Variants in PPARGC1A observed in about 807,000 individuals in gnomAD.
PPARGC1A encodes peroxisome proliferator-activated receptor gamma coactivator 1-alpha.
Under a neutral mutation model 88.7 loss-of-function variants are expected in PPARGC1A, and 25 were observed. The ratio of observed to expected loss-of-function variants is 0.28; its 90% CI spans 0.21 to 0.39. PPARGC1A has a LOEUF of 0.39. Ranked by LOEUF, PPARGC1A falls within the 10% of genes least tolerant of loss-of-function variation. The pLI is 1.00. For synonymous variants in PPARGC1A, 363 were observed against 355.6 expected (o/e 1.02, Z -0.24); for missense variants, 880 against 968.7 (o/e 0.91, Z 1.22).
At chr4:24,406,863 G>A in the PPARGC1A span, among the ~76,000 whole-genome samples, 1 of 152,204 alleles carries the variant, frequency 6.6e-6, no homozygotes, top group African/African-American at 2.4e-5. Flanking sequence ...ATAGCTCTCA[G>A]AGAGGCCAGA....
At chr4:24,467,048 GAAAAAGAAAGAA>G in the PPARGC1A span, among the ~76,000 whole-genome samples, 1 of 102,532 alleles carries the variant, frequency 9.8e-6, no homozygotes, top group African/African-American at 3.7e-5. Flanking sequence ...GAGAGAGAGA[GAAAAAGAAAGAA>G]AGAGAAAGAA....
In PPARGC1A at chr4:23,802,251, T is replaced by C. The variant is rs1216087511; in HGVS notation, c.2114A>G (p.Glu705Gly). 5 of 1,614,070 alleles carry C rather than the reference T, an allele frequency of 3.1e-6. No individual in the cohort carries two copies. The South Asian group carries it at 5.5e-5, about 18-fold the overall frequency. The change falls in exon 11 of 13, where the codon GAG (glutamate) becomes GGG (glycine). Residue 705 changes from glutamate to glycine, a missense_variant. Physicochemically the swap from Glu to Gly is moderately conservative, Grantham distance 98. Transcript: ENST00000264867. ...DRFEVFGEIE[E>G]CTVNLRDDGD... ...ATCATCCCGCAGATTTACTGTGCAC[T>C]CCTCAATTTCACCAAAAACTTCAAA...
the PPARGC1A span, among the ~76,000 whole-genome samples, chr4:24,382,171 GAA>G: frequency 2.0e-5 from 3 of 151,972 alleles, no homozygotes; most frequent in East Asian, 5.8e-4. Context: ...CAACAATGGA[GAA>G]AAAAACTACA....
the PPARGC1A span, among the ~76,000 whole-genome samples, chr4:23,922,031 C>A: frequency 3.9e-5 from 6 of 152,312 alleles, no homozygotes; most frequent in Non-Finnish European, 8.8e-5. Context: ...AAATATTATG[C>A]ATGCTTGAAG....
At chr4:24,302,260 A>C in the PPARGC1A span, among the ~76,000 whole-genome samples, 770 of 152,362 alleles carry the variant, frequency 5.1e-3, 6 homozygotes, top group African/African-American at 0.018. Flanking sequence ...ACAAAACATC[A>C]CGTATCCAAA....
At chr4:24,406,276 G>C in the PPARGC1A span, among the ~76,000 whole-genome samples, 1 of 152,128 alleles carries the variant, frequency 6.6e-6, no homozygotes, top group Non-Finnish European at 1.5e-5. Context: ...AAGAAGTTAG[G>C]CTGCATGTAA....
chr4:23,832,048 C>T (rs1387187924), intron 2 of PPARGC1A, among the ~76,000 whole-genome samples: 1 of 152,154 alleles, frequency 6.6e-6, no homozygotes, highest in African/African-American at 2.4e-5. Flanking sequence ...GTGTTTTCCA[C>T]TTGCTCATGT....
At chr4:24,033,047 A>G in the PPARGC1A span, among the ~76,000 whole-genome samples, 2 of 152,208 alleles carry the variant, frequency 1.3e-5, no homozygotes, top group African/African-American at 4.8e-5. Flanking sequence ...TGTCCTAGCA[A>G]TGGTTCAGAA....
At chr4:24,129,150 C>G in the PPARGC1A span, among the ~76,000 whole-genome samples, 6 of 152,262 alleles carry the variant, frequency 3.9e-5, no homozygotes, top group Non-Finnish European at 4.4e-5. Flanking sequence ...ATATAAATGA[C>G]AAGACTGCAC....
At chr4:24,443,688 T>A in the PPARGC1A span, among the ~76,000 whole-genome samples, 1 of 151,924 alleles carries the variant, frequency 6.6e-6, no homozygotes, top group African/African-American at 2.4e-5. Flanking sequence ...CCTGAGTAGC[T>A]GGGATTACAG....
At chr4:23,840,234 T>C (rs769409486) in intron 2 of PPARGC1A, among the ~76,000 whole-genome samples, 1 of 151,956 alleles carries the variant, frequency 6.6e-6, no homozygotes, top group Non-Finnish European at 1.5e-5. Flanking sequence ...GGAGAGCGGA[T>C]AGTGCACATA....
At chr4:23,880,248 C>A (rs1272543186) in intron 2 of PPARGC1A, among the ~76,000 whole-genome samples, 1 of 152,128 alleles carries the variant, frequency 6.6e-6, no homozygotes, top group African/African-American at 2.4e-5. Flanking sequence ...TGCATGGTTT[C>A]CTAATTGTTT....
chr4:23,936,833 G>T, the PPARGC1A span, among the ~76,000 whole-genome samples: 65 of 152,254 alleles, frequency 4.3e-4, no homozygotes, highest in African/African-American at 1.5e-3. Context: ...TCGCACGACT[G>T]CACTCCAGCC....
chr4:23,856,429 C>T lies in PPARGC1A; in HGVS notation c.235-24678G>A, dbSNP rs1017127676. Among the ~76,000 whole-genome samples, 4 of 152,090 alleles carry T rather than the reference C, an allele frequency of 2.6e-5. No homozygotes were observed. The South Asian group carries it at 8.3e-4, about 32-fold the overall frequency. ...TTCATCAGCCCCATCAGAGAGAGGCCCGGGCCATGCTCAAAGCTGCAGGAC... is the reference window on the plus strand; with the variant it reads ...TTCATCAGCCCCATCAGAGAGAGGCTCGGGCCATGCTCAAAGCTGCAGGAC... On this transcript the variant is annotated intron_variant, in intron 2 of 12. Coordinates refer to ENST00000264867, the MANE Select transcript of PPARGC1A (RefSeq NM_013261.5).
the PPARGC1A span, among the ~76,000 whole-genome samples, chr4:23,997,833 A>G: frequency 6.6e-6 from 1 of 152,104 alleles, no homozygotes; most frequent in African/African-American, 2.4e-5. Flanking sequence ...GGCAATAGAG[A>G]TGGTTCAAGA....
chr4:24,172,278 T>C, the PPARGC1A span, among the ~76,000 whole-genome samples: 1 of 152,204 alleles, frequency 6.6e-6, no homozygotes, highest in Non-Finnish European at 1.5e-5. Flanking sequence ...AACTCAGTAA[T>C]GTTTTAATGC....
the PPARGC1A span, among the ~76,000 whole-genome samples, chr4:24,074,356 A>G: frequency 6.6e-6 from 1 of 152,176 alleles, no homozygotes; most frequent in Non-Finnish European, 1.5e-5. Context: ...ACAATTTGCC[A>G]TGAGAATTAA....
At chr4:23,837,152 T>C (rs1411170853) in intron 2 of PPARGC1A, among the ~76,000 whole-genome samples, 2 of 152,120 alleles carry the variant, frequency 1.3e-5, no homozygotes, top group Non-Finnish European at 2.9e-5. Flanking sequence ...TTAATGTGAA[T>C]TAGGCCAGAA....
chr4:24,437,594 T>TTTGTTG, the PPARGC1A span, among the ~76,000 whole-genome samples: 2,432 of 143,836 alleles, frequency 0.017, 28 homozygotes, highest in Admixed American at 0.041. Context: ...GCACAGGTTT[T>TTTGTTG]TTGTTGTTGT....
Sources: allele counts gnomAD v4.1 joint callset (sites outside exome capture counted in the v4.1 genomes callset), GRCh38; gene constraint gnomAD v4.1.1; transcripts MANE v1.5; gene names NCBI Gene and HGNC (gene_info 2026-07-23, HGNC 2026-07-21).